DNMT3A: variants seen among roughly 807,000 people sequenced by gnomAD.
DNMT3A encodes DNA methyltransferase 3 alpha, also known as DNA (cytosine-5)-methyltransferase 3A.
A neutral mutation model predicts 117.6 loss-of-function variants in DNMT3A; 267 were observed. The ratio of observed to expected loss-of-function variants is 2.27; its 90% CI spans 2.05 to 2.51. The LOEUF is 2.51. Ranked by LOEUF, DNMT3A falls within the 30% of genes most tolerant of loss-of-function variation. The pLI is 0.00. For missense variants in DNMT3A, 1,029 were observed against 1,260.2 expected (o/e 0.82, Z 2.78); for synonymous variants, 432 against 474.8 (o/e 0.91, Z 1.17).
chr2:25,314,278 C>T, intron 1 of DNMT3A, 117 bp from the exon 2 acceptor site: 3 of 1,252,474 alleles, frequency 2.4e-6, no homozygotes, highest in South Asian at 4.5e-5. Flanking sequence ...TCCTTCTGGC[C>T]TCACCAGCAC....
At chr2:25,255,196 A>G (rs1383719031) in intron 6 of DNMT3A, among the ~76,000 whole-genome samples, 3 of 152,138 alleles carry the variant, frequency 2.0e-5, no homozygotes, top group African/African-American at 2.4e-5. Context: ...AGCAGAAGAG[A>G]CCCCAAGATC....
Position 25,319,871 on chromosome 2 carries a change from G to C in DNMT3A, c.-177-5710C>G, listed in dbSNP as rs1238442614. ...CACAACCTCTGCCTTGTGGGTTCAA[G>C]CAATTCTCTTGCCTCAGCCTCACGA... On this transcript the variant is annotated intron_variant, in intron 1 of 22. Transcript: ENST00000321117. 8.6e-5 allele frequency among the ~76,000 whole-genome samples: 13 copies of C among 151,834 alleles called. No homozygotes were observed. In the South Asian group the frequency reaches 2.7e-3, roughly 32 times the overall value.
At chr2:25,334,123 C>T (rs1225550948) in intron 1 of DNMT3A, among the ~76,000 whole-genome samples, 1 of 152,142 alleles carries the variant, frequency 6.6e-6, no homozygotes, top group Non-Finnish European at 1.5e-5. Context: ...TCCTATTGAA[C>T]AGGGGCAGCC....
At chr2:25,274,340 CCTT>C (rs1224809112) in intron 6 of DNMT3A, among the ~76,000 whole-genome samples, 1 of 152,260 alleles carries the variant, frequency 6.6e-6, no homozygotes, top group African/African-American at 2.4e-5. Context: ...TGCACAGAAA[CCTT>C]CTATGGCTGC....
Position 25,236,936 on chromosome 2 carries a change from C to T in DNMT3A, c.2478G>A (p.Lys826=), listed in dbSNP as rs1274472243. 2.5e-6 allele frequency: 4 copies of T among 1,612,562 alleles called. No individual in the cohort carries two copies. The highest frequency in any genetic ancestry group is 2.2e-5 in the South Asian group (2 of 90,618). ...QECLEHGRIA[K]FSKVRTITTR... is the part of the protein sequence containing the mutation. ...AGAGGTTCTAGACGCTGGAGCTGAC[C>T]TTGGCTATCCTGCCATGCTCCAGAC... The change falls in exon 21 of 23, where the codon AAG becomes AAA. Residue 826 remains lysine (K), a splice_region_variant and synonymous_variant. Transcript: ENST00000321117. The surrounding 1 kb of genome is among the most constrained non-coding windows in gnomAD (Gnocchi z 4.5).
At chr2:25,253,809 C>T (rs1465441553) in intron 6 of DNMT3A, among the ~76,000 whole-genome samples, 1 of 152,208 alleles carries the variant, frequency 6.6e-6, no homozygotes, top group African/African-American at 2.4e-5. Context: ...CGCGGTGGCT[C>T]ACGCCTATAA....
chr2:25,329,703 AC>A (rs2034940786), intron 1 of DNMT3A, among the ~76,000 whole-genome samples: 1 of 151,372 alleles, frequency 6.6e-6, no homozygotes, highest in Non-Finnish European at 1.5e-5. Flanking sequence ...ACACACACAC[AC>A]ACACACACAG....
In DNMT3A at chr2:25,234,295, T is replaced by TA. The variant is rs1673066732; in HGVS notation, c.2722dup (p.Tyr908LeufsTer13). Reference sequence around the variant, plus strand: ...CCATGTCCCTTACACACACGCAAAATACTCCTTCAGCGGAGCGAAGAGGTG... The same window carrying TA: ...CCATGTCCCTTACACACACGCAAAATAACTCCTTCAGCGGAGCGAAGAGGTG... On this transcript the variant is annotated frameshift_variant, in exon 23 of 23. Transcript: ENST00000321117. LOFTEE classifies it high-confidence loss of function. The surrounding 1 kb of genome is among the most constrained non-coding windows in gnomAD (Gnocchi z 4.5). 1 of 1,613,712 alleles carries TA rather than the reference T, an allele frequency of 6.2e-7. No individual in the cohort carries two copies. Among genetic ancestry groups the TA allele is most frequent in the Non-Finnish European group, 8.5e-7 (1 of 1,179,776 alleles).
rs985119669 is a variant in DNMT3A at position 25,311,215 on chromosome 2, C to T, written c.72+2698G>A. ...GGAAGGGCCATTGGTTGGCCACACCCCTTCCATCTGGCTTGCCAAACAGTT... is the reference window on the plus strand; with the variant it reads ...GGAAGGGCCATTGGTTGGCCACACCTCTTCCATCTGGCTTGCCAAACAGTT... On this transcript the variant is annotated intron_variant, in intron 2 of 22. Transcript: ENST00000321117. This position sits in a 1 kb window ranked among gnomAD's most constrained non-coding sequence, Gnocchi z 5.2. Among the ~76,000 whole-genome samples, 1 of 152,140 alleles carries T rather than the reference C, an allele frequency of 6.6e-6. No individual in the cohort carries two copies. The highest frequency in any genetic ancestry group is 6.5e-5 in the Admixed American group (1 of 15,286).
In DNMT3A at chr2:25,327,620, A is replaced by G. The variant is rs1268777967; in HGVS notation, c.-177-13459T>C. Among the ~76,000 whole-genome samples, 1 of 152,030 alleles carries G rather than the reference A, an allele frequency of 6.6e-6. No individual in the cohort carries two copies. The highest frequency in any genetic ancestry group is 1.5e-5 in the Non-Finnish European group (1 of 67,994). ...ACTTCTGCACGGTGGGTGCTCCTCAAAGGTCATGTTCTACCTTCAGCTTCT... is the reference window on the plus strand; with the variant it reads ...ACTTCTGCACGGTGGGTGCTCCTCAGAGGTCATGTTCTACCTTCAGCTTCT... On this transcript the variant is annotated intron_variant, in intron 1 of 22. Transcript: ENST00000321117. The surrounding 1 kb of genome is among the most constrained non-coding windows in gnomAD (Gnocchi z 4.1).
chr2:25,252,030 A>C lies in DNMT3A; in HGVS notation c.640-3778T>G. On this transcript the variant is annotated intron_variant, in intron 6 of 22. Transcript: ENST00000321117. The surrounding 1 kb of genome is among the most constrained non-coding windows in gnomAD (Gnocchi z 5.5). ...GGCAGGAAGGCGGCGGGCCAGCACT[A>C]AGTCAGCATCTCCAGAACTCGGGCC... The C allele has an allele frequency of 1.1e-6, 1 of 877,022 alleles. No individual in the cohort carries two copies. Among genetic ancestry groups the C allele is most frequent in the Non-Finnish European group, 1.7e-6 (1 of 598,964 alleles). 54.3% of individuals were successfully genotyped at this position (877,022 alleles called of 1,614,324 possible).
In DNMT3A at chr2:25,252,509, GCCGTTCCCCGC is replaced by G. The variant is rs1023764912; in HGVS notation, c.640-4268_640-4258del. ...GAGGGGCGCGGGGCCGGGGGGCGAG[GCCGTTCCCCGC>G]CCGTTCCCAGGGCCCGCCCAGGCCG... On this transcript the variant is annotated intron_variant, in intron 6 of 22. Coordinates refer to ENST00000321117, the MANE Select transcript of DNMT3A (RefSeq NM_022552.5). This position sits in a 1 kb window ranked among gnomAD's most constrained non-coding sequence, Gnocchi z 5.5. Among the ~76,000 whole-genome samples the G allele has an allele frequency of 2.6e-5, 4 of 152,046 alleles. No individual in the cohort carries two copies. The highest frequency in any genetic ancestry group is 2.1e-4 in the South Asian group (1 of 4,836).
Position 25,314,070 on chromosome 2 carries a change from G to A in DNMT3A, c.-86C>T, listed in dbSNP as rs1187947633. The A allele has an allele frequency of 9.7e-6, 14 of 1,447,878 alleles. No individual in the cohort carries two copies. The highest frequency in any genetic ancestry group is 2.9e-5 in the South Asian group (2 of 70,020). The allele number at this position is 1,447,878 out of a possible 1,614,324, so 89.7% of individuals were successfully genotyped here. A position where few individuals can be genotyped will look rare whatever the true frequency, so the allele number is the denominator to read the frequency against. ...AGGAATTATCGTGGTCTTTGGAGGC[G>A]AGAGTTAAAACTTAAACATAGATCC... On this transcript the variant is annotated 5_prime_UTR_variant, in exon 2 of 23. Transcript: ENST00000321117.
upstream of DNMT3A, among the ~76,000 whole-genome samples, chr2:25,342,229 C>T (rs1356237113): frequency 6.8e-6 from 1 of 147,452 alleles, no homozygotes; most frequent in Non-Finnish European, 1.5e-5. This position sits in a 1 kb window ranked among gnomAD's most constrained non-coding sequence, Gnocchi z 5.9. Flanking sequence ...CTAGCGCCCT[C>T]GGCGCGACTT....
chr2:25,240,516 C>T, intron 18 of DNMT3A, 66 bp from the exon 19 acceptor site: 1 of 1,578,162 alleles, frequency 6.3e-7, no homozygotes, highest in Non-Finnish European at 8.6e-7. Context: ...GTGGCTCGGG[C>T]ACGGGGAGGG....
At chr2:25,309,685 T>C (rs1330402187) in intron 2 of DNMT3A, among the ~76,000 whole-genome samples, 1 of 152,222 alleles carries the variant, frequency 6.6e-6, no homozygotes, top group Non-Finnish European at 1.5e-5. Flanking sequence ...TTAACCTCTC[T>C]GAGCTTCAGT....
intron 6 of DNMT3A, among the ~76,000 whole-genome samples, chr2:25,274,558 A>C (rs1006181689): frequency 2.6e-5 from 4 of 152,212 alleles, no homozygotes; most frequent in African/African-American, 9.6e-5. Context: ...CTCCTCACAG[A>C]GCCAGCTCTT....
chr2:25,334,544 G>A (rs1482987426), intron 1 of DNMT3A, among the ~76,000 whole-genome samples: 1 of 152,236 alleles, frequency 6.6e-6, no homozygotes, highest in African/African-American at 2.4e-5. Flanking sequence ...GGCCACAACA[G>A]CCCATCAGAC....
rs1008095104 is a variant in DNMT3A at position 25,339,314 on chromosome 2, C to CCTTT, written c.-178+2508_-178+2511dup. Among the ~76,000 whole-genome samples the CCTTT allele has an allele frequency of 2.4e-4, 37 of 152,320 alleles. No individual in the cohort carries two copies. Among genetic ancestry groups the CCTTT allele is most frequent in the Admixed American group, 2.4e-3 (37 of 15,302 alleles). ...CACCCTGACAGATGGCTGCTGGCGT[C>CCTTT]CTTTCCTAGGCTTCTCCAGGAAGGA... On this transcript the variant is annotated intron_variant, in intron 1 of 22. Coordinates refer to ENST00000321117, the MANE Select transcript of DNMT3A (RefSeq NM_022552.5). This position sits in a 1 kb window ranked among gnomAD's most constrained non-coding sequence, Gnocchi z 4.9.
Sources: allele counts gnomAD v4.1 joint callset (sites outside exome capture counted in the v4.1 genomes callset), GRCh38; gene constraint gnomAD v4.1.1; non-coding constraint Gnocchi (gnomAD v3.1); transcripts MANE v1.5; gene names NCBI Gene and HGNC (gene_info 2026-07-23, HGNC 2026-07-21).